Variants in SEMA3E observed in about 807,000 individuals in gnomAD.
The protein encoded by SEMA3E is semaphorin-3E.
In SEMA3E, 49 loss-of-function variants were observed where a neutral mutation model predicts 93.6. The observed-to-expected ratio is 0.52, with a 90% CI of 0.42 to 0.66. The LOEUF is 0.66. Among genes scored for constraint, SEMA3E ranks in the 30% least tolerant of loss-of-function variants. The pLI is 0.00. For synonymous variants in SEMA3E, 363 were observed against 330.7 expected, an observed-to-expected ratio of 1.10 and a Z score of -1.06; for missense variants, 906 against 964.8, an observed-to-expected ratio of 0.94 and a Z score of 0.81.
chr7:83,600,510 T>G (rs1324628214), intron 1 of SEMA3E, among the ~76,000 whole-genome samples: 4 of 133,096 alleles, frequency 3.0e-5, no homozygotes, highest in Non-Finnish European at 4.8e-5. Flanking sequence ...TTTTTTTTTT[T>G]TTTTTTTTTT....
chr7:83,510,442 T>C (rs1790794314), intron 1 of SEMA3E, among the ~76,000 whole-genome samples: 1 of 152,174 alleles, frequency 6.6e-6, no homozygotes, highest in African/African-American at 2.4e-5. Flanking sequence ...TTTTAACACA[T>C]CATCTTTACA....
chr7:83,454,532 A>T (rs1252701135), intron 4 of SEMA3E, among the ~76,000 whole-genome samples: 1 of 151,978 alleles, frequency 6.6e-6, no homozygotes, highest in Non-Finnish European at 1.5e-5. Flanking sequence ...CATTTCAGTC[A>T]CATAATGGGT....
At chr7:83,646,193 T>C (rs1794077669) in intron 1 of SEMA3E, among the ~76,000 whole-genome samples, 1 of 152,096 alleles carries the variant, frequency 6.6e-6, no homozygotes, top group African/African-American at 2.4e-5. Context: ...ATTACTTAAT[T>C]CACTCGCTAC....
At chr7:83,616,155 G>A (rs1214871453) in intron 1 of SEMA3E, among the ~76,000 whole-genome samples, 1 of 152,022 alleles carries the variant, frequency 6.6e-6, no homozygotes, top group Non-Finnish European at 1.5e-5. Flanking sequence ...ATAATTATGT[G>A]TGAGTCTATT....
chr7:83,505,341 A>G (rs1790679030), intron 1 of SEMA3E, among the ~76,000 whole-genome samples: 1 of 152,206 alleles, frequency 6.6e-6, no homozygotes, highest in South Asian at 2.1e-4. Flanking sequence ...TCAGAAGCAA[A>G]TAAAATTAAT....
At chr7:83,593,376 A>C (rs1792800935) in intron 1 of SEMA3E, among the ~76,000 whole-genome samples, 1 of 148,940 alleles carries the variant, frequency 6.7e-6, no homozygotes, top group Non-Finnish European at 1.5e-5. Flanking sequence ...ATCAGCTAGA[A>C]ATACATAATC....
At chr7:83,609,963 A>T (rs1275768526) in intron 1 of SEMA3E, among the ~76,000 whole-genome samples, 1 of 152,014 alleles carries the variant, frequency 6.6e-6, no homozygotes, top group Non-Finnish European at 1.5e-5. Context: ...CTATTTGGAA[A>T]GGAAATTAAA....
rs915548611 is a variant in SEMA3E at position 83,364,295 on chromosome 7, A to G, written c.*3291T>C. ...TTTTACAAATTTTACAAATGTTTAT[A>G]ATTACTATGAAGATTTACAAAACCC... is the stretch of plus-strand genomic sequence containing the variant. On this transcript the variant is annotated 3_prime_UTR_variant, in exon 17 of 17. Transcript: ENST00000643230. 24 of 152,226 alleles carry G rather than the reference A, an allele frequency of 1.6e-4. No individual in the cohort carries two copies. The highest frequency in any genetic ancestry group is 5.8e-4 in the African/African-American group (24 of 41,466). The allele number at this position is 152,226 out of a possible 1,614,324, so 9.4% of individuals were successfully genotyped here. A position where few individuals can be genotyped will look rare whatever the true frequency, so the allele number is the denominator to read the frequency against.
At chr7:83,578,623 T>A (rs1792457491) in intron 1 of SEMA3E, among the ~76,000 whole-genome samples, 1 of 152,122 alleles carries the variant, frequency 6.6e-6, no homozygotes, top group African/African-American at 2.4e-5. Flanking sequence ...AATTGTTTTA[T>A]CTGTTCTTAA....
chr7:83,511,367 T>G (rs895665143), intron 1 of SEMA3E, among the ~76,000 whole-genome samples: 1 of 152,112 alleles, frequency 6.6e-6, no homozygotes, highest in Admixed American at 6.6e-5. Flanking sequence ...AATGCTTCAT[T>G]TTCTACTAAA....
At chr7:83,472,827 T>A (rs1041036044) in intron 2 of SEMA3E, among the ~76,000 whole-genome samples, 1 of 152,170 alleles carries the variant, frequency 6.6e-6, no homozygotes, top group Admixed American at 6.5e-5. Context: ...GGAGGCCGTT[T>A]CCCCCATGCT....
At chr7:83,481,596 G>C (rs1485244664) in intron 2 of SEMA3E, among the ~76,000 whole-genome samples, 1 of 152,116 alleles carries the variant, frequency 6.6e-6, no homozygotes, top group Non-Finnish European at 1.5e-5. Flanking sequence ...AGAGTGAAGA[G>C]TATGCTTTAG....
chr7:83,427,197 CTTCTTTTT>C (rs1297462155), intron 4 of SEMA3E, among the ~76,000 whole-genome samples: 5 of 151,606 alleles, frequency 3.3e-5, no homozygotes, highest in Non-Finnish European at 4.4e-5. Context: ...CCTTCCTTTC[CTTCTTTTT>C]TTCTTTTTTC....
At chr7:83,439,769 C>T (rs529180975) in intron 4 of SEMA3E, among the ~76,000 whole-genome samples, 2 of 152,260 alleles carry the variant, frequency 1.3e-5, no homozygotes, top group Admixed American at 6.5e-5. Context: ...GCTTATACTA[C>T]AGAAGCAAAA....
chr7:83,609,732 A>G (rs1793208604), intron 1 of SEMA3E, among the ~76,000 whole-genome samples: 1 of 152,006 alleles, frequency 6.6e-6, no homozygotes, highest in Non-Finnish European at 1.5e-5. Context: ...TTTAAAACTC[A>G]TTAAAAACAA....
At chr7:83,460,989 T>C in intron 4 of SEMA3E, among the ~76,000 whole-genome samples, 1 of 152,072 alleles carries the variant, frequency 6.6e-6, no homozygotes, top group Non-Finnish European at 1.5e-5. Flanking sequence ...TTAAAAGCTC[T>C]TCAACTCACA....
At chr7:83,505,148 TA>T (rs1252009004) in intron 1 of SEMA3E, among the ~76,000 whole-genome samples, 1 of 152,206 alleles carries the variant, frequency 6.6e-6, no homozygotes, top group Non-Finnish European at 1.5e-5. Flanking sequence ...TTACTTTTAA[TA>T]AAAGGTCATA....
intron 4 of SEMA3E, chr7:83,462,207 A>C (rs533729187): frequency 6.6e-6 from 1 of 152,300 alleles, no homozygotes; most frequent in South Asian, 2.1e-4. Flanking sequence ...CTCACAGTGG[A>C]AGGTAGGCCC....
chr7:83,515,050 C>T (rs1790898746), intron 1 of SEMA3E, among the ~76,000 whole-genome samples: 1 of 152,080 alleles, frequency 6.6e-6, no homozygotes, highest in Non-Finnish European at 1.5e-5. Context: ...AGAAACTTTA[C>T]TAATTGAAAT....
Sources: allele counts gnomAD v4.1 joint callset (sites outside exome capture counted in the v4.1 genomes callset), GRCh38; gene constraint gnomAD v4.1.1; transcripts MANE v1.5; gene names NCBI Gene and HGNC (gene_info 2026-07-23, HGNC 2026-07-21).